Variants in TENM1 observed in about 807,000 individuals in gnomAD.
The protein encoded by TENM1 is teneurin-1.
A neutral mutation model predicts 174.8 loss-of-function variants in TENM1; 35 were observed. That is an observed-to-expected ratio of 0.20 (90% CI 0.15 to 0.27). The LOEUF is 0.27. Ranked by LOEUF, TENM1 falls within the 10% of genes least tolerant of loss-of-function variation. TENM1 has a pLI of 1.00. For missense variants in TENM1, 1,633 were observed against 2,130.1 expected, an observed-to-expected ratio of 0.77 and a Z score of 4.59; for synonymous variants, 781 against 798.7, an observed-to-expected ratio of 0.98 and a Z score of 0.37.
the TENM1 span, among the ~76,000 whole-genome samples, chrX:125,024,374 A>G: frequency 1.6e-4 from 17 of 109,055 alleles, no homozygotes; most frequent in African/African-American, 5.9e-4. Flanking sequence ...ATGCACACAC[A>G]CACACACACA....
At chrX:124,941,368 C>A (rs1291889504) in intron 1 of TENM1, among the ~76,000 whole-genome samples, 1 of 111,822 alleles carries the variant, frequency 8.9e-6, no homozygotes, top group Non-Finnish European at 1.9e-5. Flanking sequence ...TACCACTTGT[C>A]TTGAATTTCC....
intron 3 of TENM1, among the ~76,000 whole-genome samples, chrX:124,865,423 T>C (rs1038423092): frequency 4.5e-5 from 5 of 112,085 alleles, no homozygotes; most frequent in Non-Finnish European, 7.5e-5. Flanking sequence ...TGTGTGTTTA[T>C]GCAAATAGTG....
intron 11 of TENM1, among the ~76,000 whole-genome samples, chrX:124,600,254 T>C (rs1277633342): frequency 2.7e-5 from 3 of 110,780 alleles, no homozygotes; most frequent in Non-Finnish European, 5.7e-5. Flanking sequence ...TGGAATATCC[T>C]ATTAAGACAA....
chrX:124,563,897 C>T, intron 12 of TENM1, 125 bp from the exon 16 acceptor site: 1 of 524,297 alleles, frequency 1.9e-6, no homozygotes, highest in South Asian at 5.7e-5. Context: ...GCTGAAATGC[C>T]TGCAGCTCAA....
chrX:124,509,866 A>G (rs1054117700), intron 18 of TENM1, among the ~76,000 whole-genome samples: 16 of 107,803 alleles, frequency 1.5e-4, no homozygotes, highest in Non-Finnish European at 2.9e-4. Flanking sequence ...GATTACAGGC[A>G]TGTGCCACCA....
At chrX:124,438,310 TGTATCTTAGAGAGATACAGAA>T (rs1455549153) in intron 23 of TENM1, among the ~76,000 whole-genome samples, 2 of 110,402 alleles carry the variant, frequency 1.8e-5, no homozygotes, top group Non-Finnish European at 3.8e-5. Context: ...GTAGGTCTTC[TGTATCTTAGAGAGATACAGAA>T]GTATCTTAGA....
chrX:124,652,268 T>C, intron 7 of TENM1, 144 bp from the exon 11 acceptor site: 1 of 773,479 alleles, frequency 1.3e-6, no homozygotes, highest in Non-Finnish European at 1.8e-6. Flanking sequence ...TTTAAGTATA[T>C]TTAGACTTGG....
intron 23 of TENM1, among the ~76,000 whole-genome samples, chrX:124,431,241 T>C (rs1379202492): frequency 8.9e-6 from 1 of 112,588 alleles, no homozygotes; most frequent in African/African-American, 3.2e-5. Context: ...AAAGTTCAAG[T>C]GTGCTGAAGA....
intron 5 of TENM1, among the ~76,000 whole-genome samples, chrX:124,704,635 T>A (rs1347483337): frequency 8.9e-6 from 1 of 111,765 alleles, no homozygotes; most frequent in Non-Finnish European, 1.9e-5. Flanking sequence ...TTAATGAAAT[T>A]GCTACCTGAA....
chrX:124,756,769 T>C (rs1454428525), intron 3 of TENM1, among the ~76,000 whole-genome samples: 3 of 112,328 alleles, frequency 2.7e-5, no homozygotes, highest in Non-Finnish European at 5.6e-5. Flanking sequence ...AGACCCTGTT[T>C]GCCTGGGTAC....
At chrX:124,520,853 G>T in intron 17 of TENM1, 69 bp from the exon 21 acceptor site, 1 of 999,984 alleles carries the variant, frequency 1.0e-6, no homozygotes, top group Non-Finnish European at 1.3e-6. Context: ...TGAGGATATT[G>T]CATGCTTTGT....
Position 124,621,852 on chromosome X carries a change from G to T in TENM1, c.2077+19939C>A, listed in dbSNP as rs780013373. ...GATATTTCCAATTTTAAAGTATTTG[G>T]CCCTGATACTAAAAATGGAGAAATG... On this transcript the variant is annotated intron_variant, in intron 11 of 31. Transcript: ENST00000422452. Among the ~76,000 whole-genome samples the T allele has an allele frequency of 1.2e-4, 14 of 112,008 alleles. No homozygotes were observed. In the East Asian group the frequency reaches 3.9e-3, roughly 32 times the overall value.
chrX:125,091,192 C>T, the TENM1 span, among the ~76,000 whole-genome samples: 12 of 109,812 alleles, frequency 1.1e-4, no homozygotes, highest in Non-Finnish European at 1.1e-4. Context: ...TGGTAAAACA[C>T]GCCTGTTACT....
chrX:124,541,097 C>A (rs892223496), intron 15 of TENM1, among the ~76,000 whole-genome samples: 1 of 112,107 alleles, frequency 8.9e-6, no homozygotes, highest in African/African-American at 3.2e-5. Context: ...TGTTTCTCTG[C>A]TATTTGGAGA....
chrX:125,181,321 G>A, the TENM1 span, among the ~76,000 whole-genome samples: 1 of 111,401 alleles, frequency 9.0e-6, no homozygotes, highest in Non-Finnish European at 1.9e-5. Flanking sequence ...CAAAGCATAT[G>A]CACTTACCCT....
intron 3 of TENM1, among the ~76,000 whole-genome samples, chrX:124,796,864 T>C (rs2055316372): frequency 9.0e-6 from 1 of 111,657 alleles, no homozygotes; most frequent in African/African-American, 3.2e-5. Context: ...ATGATAATTA[T>C]ATATAACTGA....
chrX:124,992,453 G>A, the TENM1 span, among the ~76,000 whole-genome samples: 3 of 111,116 alleles, frequency 2.7e-5, no homozygotes, highest in East Asian at 2.8e-4. Flanking sequence ...CATTCTCCCC[G>A]AAGACTAGTC....
the TENM1 span, among the ~76,000 whole-genome samples, chrX:125,022,947 G>A: frequency 2.3e-3 from 254 of 111,162 alleles, no homozygotes; most frequent in Middle Eastern, 4.6e-3. Context: ...AATGGGTTAC[G>A]GAAGTACAGG....
intron 23 of TENM1, among the ~76,000 whole-genome samples, chrX:124,449,091 T>A (rs1027243780): frequency 4.5e-5 from 5 of 112,029 alleles, no homozygotes; most frequent in African/African-American, 1.3e-4. Flanking sequence ...GCAGCAGAGT[T>A]ACTGGCCAAA....
Sources: gnomAD v4.1 joint callset for allele counts (sites outside exome capture counted in the v4.1 genomes callset) on GRCh38, gnomAD v4.1.1 for gene constraint, MANE v1.5 for transcripts, NCBI Gene and HGNC (gene_info 2026-07-23, HGNC 2026-07-21) for gene names.